The following URM1 variants were observed in gnomAD, a reference collection of about 807,000 sequenced individuals.
URM1 encodes the protein ubiquitin related modifier 1.
URM1 carries 11 observed loss-of-function variants against 17.7 expected under a neutral mutation model. The ratio of observed to expected loss-of-function variants is 0.62; its 90% CI spans 0.39 to 1.03. The LOEUF (loss-of-function observed/expected upper bound fraction) is 1.03, where lower values mean the gene tolerates loss of function less well. URM1 is among the 50% of genes least tolerant of loss of function. URM1 has a pLI of 0.00. For synonymous variants in URM1, 48 were observed against 50.6 expected, an observed-to-expected ratio of 0.95 and a Z score of 0.22; for missense variants, 128 against 129.2, an observed-to-expected ratio of 0.99 and a Z score of 0.04.
intron 2 of URM1, among the ~76,000 whole-genome samples, chr9:128,384,131 G>T (rs1262871711): frequency 6.6e-6 from 1 of 152,198 alleles, no homozygotes; most frequent in East Asian, 1.9e-4. Flanking sequence ...ACAGCAAGAT[G>T]AAGTGACTTC....
At chr9:128,381,873 A>G (rs1171876687) in intron 2 of URM1, among the ~76,000 whole-genome samples, 2 of 152,216 alleles carry the variant, frequency 1.3e-5, no homozygotes, top group African/African-American at 4.8e-5. Flanking sequence ...GGCTCCCTGA[A>G]TTACTCTAAC....
intron 2 of URM1, among the ~76,000 whole-genome samples, chr9:128,381,130 T>C (rs778209651): frequency 6.6e-6 from 1 of 152,102 alleles, no homozygotes; most frequent in Non-Finnish European, 1.5e-5. Context: ...AGCCCCAAAG[T>C]ACTTTATTCT....
chr9:128,371,779 C>T (rs893308476), intron 1 of URM1, among the ~76,000 whole-genome samples: 4 of 152,180 alleles, frequency 2.6e-5, no homozygotes, highest in African/African-American at 9.7e-5. Context: ...GAAGGACCAC[C>T]CTCCACCCGC....
chr9:128,378,947 CAAAAAAAAAAA>C (rs397976946), intron 2 of URM1, among the ~76,000 whole-genome samples: 2 of 86,868 alleles, frequency 2.3e-5, no homozygotes, highest in African/African-American at 3.9e-5. Context: ...ATTCTGTCAC[CAAAAAAAAAAA>C]AAAAAAAAAG....
intron 3 of URM1, 149 bp from the exon 4 acceptor site, chr9:128,389,112 C>T: frequency 1.4e-6 from 2 of 1,453,526 alleles, no homozygotes; most frequent in East Asian, 2.4e-5. Flanking sequence ...CTCAGACCAG[C>T]CTCCCCTTCC....
At chr9:128,385,848 G>T (rs1833219653) in intron 2 of URM1, among the ~76,000 whole-genome samples, 1 of 151,144 alleles carries the variant, frequency 6.6e-6, no homozygotes, top group Admixed American at 6.6e-5. Flanking sequence ...ATGGTAACAG[G>T]CTATCAAAAA....
intron 3 of URM1, chr9:128,388,898 G>C (rs1447846528): frequency 9.6e-7 from 1 of 1,043,144 alleles, no homozygotes; most frequent in East Asian, 7.8e-5. Flanking sequence ...AGTGTGGCAA[G>C]CACTCCACAC....
rs1394567787 is a variant in URM1 at position 128,383,154 on chromosome 9, C to A, written c.107-4662C>A. Reference sequence around the variant, plus strand: ...TTTCTCTGCTCTCAGGGCCTGTTTGCTGATCCCCTCTCCACCTCCCTCCTC... The same window carrying A: ...TTTCTCTGCTCTCAGGGCCTGTTTGATGATCCCCTCTCCACCTCCCTCCTC... On this transcript the variant is annotated intron_variant, in intron 2 of 4. Transcript: ENST00000372853. Among the ~76,000 whole-genome samples the A allele has an allele frequency of 2.6e-5, 4 of 152,146 alleles. No individual in the cohort carries two copies. The East Asian group carries it at 5.8e-4, about 22-fold the overall frequency.
intron 1 of URM1, among the ~76,000 whole-genome samples, chr9:128,373,100 CA>C (rs1290978973): frequency 2.0e-5 from 3 of 152,198 alleles, no homozygotes; most frequent in African/African-American, 7.2e-5. Flanking sequence ...TTTTCTGACC[CA>C]ATCATCTCTA....
At chr9:128,374,356 G>A (rs1833050648) in intron 1 of URM1, among the ~76,000 whole-genome samples, 1 of 152,196 alleles carries the variant, frequency 6.6e-6, no homozygotes, top group Admixed American at 6.5e-5. Flanking sequence ...GCCAGTCTTG[G>A]TTGTTTGCCT....
intron 1 of URM1, among the ~76,000 whole-genome samples, chr9:128,376,230 A>AC (rs1419862105): frequency 6.6e-6 from 1 of 151,824 alleles, no homozygotes; most frequent in Non-Finnish European, 1.5e-5. Flanking sequence ...AGGTGTGGTG[A>AC]CACGTGCCTG....
At chr9:128,372,642 G>A (rs1164002852) in intron 1 of URM1, among the ~76,000 whole-genome samples, 1 of 152,070 alleles carries the variant, frequency 6.6e-6, no homozygotes, top group Non-Finnish European at 1.5e-5. Flanking sequence ...AACTGTATTG[G>A]TCTGGACTCC....
chr9:128,371,516 T>C, intron 1 of URM1, 101 bp downstream of exon 1: 1 of 1,234,834 alleles, frequency 8.1e-7, no homozygotes, highest in Non-Finnish European at 1.2e-6. Flanking sequence ...AATCACTGGG[T>C]GTCCCAGTGC....
intron 2 of URM1, 145 bp downstream of exon 2, chr9:128,378,251 C>A: frequency 1.6e-6 from 1 of 608,526 alleles, no homozygotes; most frequent in South Asian, 2.3e-5. Context: ...AAACAAGAGT[C>A]TACACGGCTG....
Position 128,390,549 on chromosome 9 carries a change from G to A in URM1, c.*815G>A, listed in dbSNP as rs1833297508. ...CTGAATATAGTGGCTGAAAACTGGG[G>A]AGATACTTGATGGCGCGAATGTCCG... On this transcript the variant is annotated 3_prime_UTR_variant, in exon 5 of 5. Coordinates refer to ENST00000372853, the MANE Select transcript of URM1 (RefSeq NM_030914.4). The A allele has an allele frequency of 6.6e-6, 1 of 152,212 alleles. No homozygotes were observed. The highest frequency in any genetic ancestry group is 6.5e-5 in the Admixed American group (1 of 15,274). The allele number at this position is 152,212 out of a possible 1,614,324, so 9.4% of individuals were successfully genotyped here.
chr9:128,376,238 C>T (rs893217197), intron 1 of URM1, among the ~76,000 whole-genome samples: 2 of 152,024 alleles, frequency 1.3e-5, no homozygotes, highest in African/African-American at 2.4e-5. Flanking sequence ...TGACACGTGC[C>T]TGTGGTCCCA....
chr9:128,371,498 C>A lies in URM1; in HGVS notation c.35+83C>A. 4 of 1,452,934 alleles carry A rather than the reference C, an allele frequency of 2.8e-6. No homozygotes were observed. The South Asian group carries it at 4.8e-5, about 18-fold the overall frequency. The allele number at this position is 1,452,934 out of a possible 1,614,324, so 90.0% of individuals were successfully genotyped here. On this transcript the variant is annotated intron_variant, in intron 1 of 4. Coordinates refer to ENST00000372853, the MANE Select transcript of URM1 (RefSeq NM_030914.4). ...CCTTTCCTTCTGCCGTGGGGCCTGA[C>A]ACGGCCGAATCACTGGGTGTCCCAG... is the stretch of plus-strand genomic sequence containing the variant.
chr9:128,378,542 C>CAAAAAAAAAA (rs58676800), intron 2 of URM1, among the ~76,000 whole-genome samples: 5 of 23,024 alleles, frequency 2.2e-4, no homozygotes, highest in African/African-American at 3.5e-4. Flanking sequence ...GACTCCATCT[C>CAAAAAAAAAA]AAAAAAAAAA....
chr9:128,371,357 T>C, upstream of URM1: 2 of 1,612,774 alleles, frequency 1.2e-6, no homozygotes, highest in South Asian at 1.1e-5. Context: ...GAGGGGAGTT[T>C]CCTGCGAGCT....
Sources: gnomAD v4.1 joint callset for allele counts (sites outside exome capture counted in the v4.1 genomes callset) on GRCh38, gnomAD v4.1.1 for gene constraint, MANE v1.5 for transcripts, NCBI Gene and HGNC (gene_info 2026-07-23, HGNC 2026-07-21) for gene names.